The following PACC1 variants were observed in gnomAD, a reference collection of about 807,000 sequenced individuals.
The protein encoded by PACC1 is proton-activated chloride channel.
In PACC1, 34 loss-of-function variants were observed where a neutral mutation model predicts 39.7. That is an observed-to-expected ratio of 0.86 (90% CI 0.65 to 1.14). The LOEUF (loss-of-function observed/expected upper bound fraction) is 1.14. Among genes scored for constraint, PACC1 ranks in the 50% most tolerant of loss-of-function variants. The pLI, the probability that PACC1 is intolerant of heterozygous loss-of-function variation, is 0.00. For missense variants in PACC1, 379 were observed against 436.4 expected (o/e 0.87, Z 1.17); for synonymous variants, 127 against 160.6 (o/e 0.79, Z 1.58).
intron 2 of PACC1, among the ~76,000 whole-genome samples, chr1:212,390,545 C>T (rs531879672): frequency 1.3e-5 from 2 of 151,776 alleles, no homozygotes; most frequent in Non-Finnish European, 1.5e-5. Context: ...TTCTGCATTT[C>T]CAACTGAGGT....
chr1:212,386,582 C>T lies in PACC1; in HGVS notation c.343+309G>A, dbSNP rs139929291. On this transcript the variant is annotated intron_variant, in intron 3 of 7. Coordinates refer to ENST00000261455, the MANE Select transcript of PACC1 (RefSeq NM_018252.3). The surrounding 1 kb of genome is among the most constrained non-coding windows in gnomAD (Gnocchi z 5.0). ...ACCCCTTCGCTCTGCTGATCCCCAT[C>T]CCAAAGACACTCTCTTCCCATCTAT... is the stretch of plus-strand genomic sequence containing the variant. Among the ~76,000 whole-genome samples the T allele has an allele frequency of 6.6e-6, 1 of 152,252 alleles. No individual in the cohort carries two copies. Among genetic ancestry groups the T allele is most frequent in the East Asian group, 1.9e-4 (1 of 5,172 alleles).
intron 2 of PACC1, 52 bp from the exon 3 acceptor site, chr1:212,387,152 C>G: frequency 1.9e-6 from 3 of 1,582,758 alleles, no homozygotes; most frequent in Non-Finnish European, 2.6e-6. Context: ...AAGGTACAGA[C>G]AGAGATGGCC....
At chr1:212,388,825 T>C (rs1029945589) in intron 2 of PACC1, among the ~76,000 whole-genome samples, 4 of 152,186 alleles carry the variant, frequency 2.6e-5, no homozygotes, top group Non-Finnish European at 5.9e-5. Flanking sequence ...GTGCCCTCTC[T>C]GCTCCTCAGC....
At chr1:212,393,652 G>T (rs563015271) in intron 2 of PACC1, among the ~76,000 whole-genome samples, 1 of 152,076 alleles carries the variant, frequency 6.6e-6, no homozygotes. Context: ...CCAGGAGCTG[G>T]TTTTTTGAAA....
intron 2 of PACC1, among the ~76,000 whole-genome samples, chr1:212,408,645 A>G (rs1427295395): frequency 3.9e-5 from 6 of 152,188 alleles, no homozygotes; most frequent in Non-Finnish European, 7.3e-5. Context: ...TACAGGCATG[A>G]GCCACCGTGC....
intron 4 of PACC1, among the ~76,000 whole-genome samples, chr1:212,383,691 G>C (rs2102493259): frequency 6.6e-6 from 1 of 152,276 alleles, no homozygotes; most frequent in Middle Eastern, 3.4e-3. Context: ...TTCCAAAGTA[G>C]TAAATTTCTG....
In PACC1 at chr1:212,386,791, C is replaced by T. The variant is rs953328946; in HGVS notation, c.343+100G>A. On this transcript the variant is annotated intron_variant, in intron 3 of 7. Coordinates refer to ENST00000261455, the MANE Select transcript of PACC1 (RefSeq NM_018252.3). The surrounding 1 kb of genome is among the most constrained non-coding windows in gnomAD (Gnocchi z 5.0). ...CTATGCTTGGTTGGACTCCTCTGCC[C>T]TGCCCGTAGTACCACAAATACAACG... 2 of 1,217,140 alleles carry T rather than the reference C, an allele frequency of 1.6e-6. No individual in the cohort carries two copies. The highest frequency in any genetic ancestry group is 2.4e-6 in the Non-Finnish European group (2 of 835,946). The allele number at this position is 1,217,140 out of a possible 1,614,324, so 75.4% of individuals were successfully genotyped here.
At chr1:212,375,429 G>A in intron 6 of PACC1, 129 bp from the exon 7 acceptor site, 1 of 614,662 alleles carries the variant, frequency 1.6e-6, no homozygotes, top group Non-Finnish European at 2.9e-6. Flanking sequence ...TTTTTGGAGA[G>A]AGAGTGGCAA....
chr1:212,411,550 G>C (rs1247395020), intron 1 of PACC1, among the ~76,000 whole-genome samples: 4 of 152,130 alleles, frequency 2.6e-5, no homozygotes, highest in Non-Finnish European at 5.9e-5. Context: ...TAATCAACAA[G>C]TCTCTGTAGG....
chr1:212,366,677 C>T (rs11119922), intron 7 of PACC1, among the ~76,000 whole-genome samples: 11,445 of 152,204 alleles, frequency 0.075, 1,406 homozygotes, highest in African/African-American at 0.26. Flanking sequence ...AAGCATGCCT[C>T]GGGTACTGGG....
intron 4 of PACC1, among the ~76,000 whole-genome samples, chr1:212,382,870 G>A (rs985942537): frequency 6.6e-6 from 1 of 152,304 alleles, no homozygotes; most frequent in Non-Finnish European, 1.5e-5. Flanking sequence ...AGAGCACACA[G>A]GAGTCTCTTT....
rs1661211630 is a variant in PACC1 at position 212,389,119 on chromosome 1, G to A, written c.134-2019C>T. 2.0e-5 allele frequency among the ~76,000 whole-genome samples: 3 copies of A among 152,346 alleles called. No individual in the cohort carries two copies. In the South Asian group the frequency reaches 6.2e-4, roughly 32 times the overall value. The stretch of plus-strand genomic sequence containing the variant: ...TTGAAAGAGAAGAACTGTACTTGGT[G>A]AGATTTATACATCTGTAGCTTTTTG... On this transcript the variant is annotated intron_variant, in intron 2 of 7. Transcript: ENST00000261455.
At position 212,386,129 on chromosome 1, in the gene PACC1, C is replaced by T. The variant is rs749547014; in HGVS notation, c.344-704G>A. ...GACTCTGCTGGAGGCTGGCAGGAAG[C>T]CCCAGAGAGAGGGCACCCGGACTCT... On this transcript the variant is annotated intron_variant, in intron 3 of 7. Transcript: ENST00000261455. The surrounding 1 kb of genome is among the most constrained non-coding windows in gnomAD (Gnocchi z 5.0). Among the ~76,000 whole-genome samples, 15 of 152,258 alleles carry T rather than the reference C, an allele frequency of 9.9e-5. No homozygotes were observed. The highest frequency in any genetic ancestry group is 3.6e-4 in the African/African-American group (15 of 41,558).
intron 7 of PACC1, among the ~76,000 whole-genome samples, chr1:212,366,227 GAAGGCAGAGTTGTAACTCTTT>G (rs1242937136): frequency 5.9e-5 from 9 of 151,684 alleles, no homozygotes; most frequent in South Asian, 2.1e-4. Flanking sequence ...ACTAACTCTT[GAAGGCAGAGTTGTAACTCTTT>G]AAGGCAGAGT....
At chr1:212,368,040 T>G (rs1020753429) in intron 7 of PACC1, among the ~76,000 whole-genome samples, 5 of 152,090 alleles carry the variant, frequency 3.3e-5, no homozygotes, top group Admixed American at 6.5e-5. Flanking sequence ...GAGAGACTCC[T>G]TCCCCTTGAG....
In PACC1 at chr1:212,385,409, G is replaced by A. The variant is rs761230647; in HGVS notation, c.360C>T (p.Pro120=). The A allele has an allele frequency of 2.7e-5, 44 of 1,613,948 alleles. No individual in the cohort carries two copies. The highest frequency in any genetic ancestry group is 5.0e-5 in the Admixed American group (3 of 59,984). The change falls in exon 4 of 8, where the codon CCC becomes CCT. Residue 120 remains proline (P), a synonymous_variant. Transcript: ENST00000261455. ...TACAGCTGAGCAACTGGGCCTGACC[G>A]GGGTACAAGGCAATACCTGGGGGCA... is the stretch of plus-strand genomic sequence containing the variant. ...RYDAPGIALY[P]GQAQLLSCKH...
At chr1:212,413,825 G>A (rs1252938961) in intron 1 of PACC1, 2 of 1,429,790 alleles carry the variant, frequency 1.4e-6, no homozygotes, top group East Asian at 2.5e-5. Context: ...GAGACTAAAG[G>A]GAGCGATGGT....
At chr1:212,383,216 C>T (rs1031746393) in intron 4 of PACC1, among the ~76,000 whole-genome samples, 2 of 152,214 alleles carry the variant, frequency 1.3e-5, no homozygotes, top group African/African-American at 4.8e-5. Flanking sequence ...ACAACTCTCT[C>T]TTTGTGCCCT....
At chr1:212,413,853 A>G in intron 1 of PACC1, 1 of 1,507,004 alleles carries the variant, frequency 6.6e-7, no homozygotes, top group Non-Finnish European at 8.8e-7. Context: ...TATCGCACTC[A>G]GAGGTTACAG....
Sources: allele counts gnomAD v4.1 joint callset (sites outside exome capture counted in the v4.1 genomes callset), GRCh38; gene constraint gnomAD v4.1.1; non-coding constraint Gnocchi (gnomAD v3.1); transcripts MANE v1.5; gene names NCBI Gene and HGNC (gene_info 2026-07-23, HGNC 2026-07-21).